SEMA5A: variants seen among roughly 807,000 people sequenced by gnomAD.
The protein encoded by SEMA5A is semaphorin-5A.
A neutral mutation model predicts 135.5 loss-of-function variants in SEMA5A; 55 were observed. The observed-to-expected ratio is 0.41, with a 90% CI of 0.33 to 0.51. SEMA5A has a LOEUF of 0.51. Among genes scored for constraint, SEMA5A ranks in the 20% least tolerant of loss-of-function variants. The pLI is 0.37. For synonymous variants in SEMA5A, 580 were observed against 546.5 expected (o/e 1.06, Z -0.85); for missense variants, 1,290 against 1,419.9 (o/e 0.91, Z 1.47).
intron 15 of SEMA5A, among the ~76,000 whole-genome samples, chr5:9,111,070 T>C (rs754899412): frequency 8.5e-5 from 13 of 152,138 alleles, no homozygotes; most frequent in Admixed American, 7.9e-4. Context: ...CAGGAGAAAA[T>C]TGACACTTGT....
chr5:9,217,974 C>T (rs1471743490), intron 8 of SEMA5A, among the ~76,000 whole-genome samples: 1 of 152,032 alleles, frequency 6.6e-6, no homozygotes, highest in East Asian at 1.9e-4. Flanking sequence ...CATATTCTCA[C>T]TTATAAATGA....
intron 2 of SEMA5A, among the ~76,000 whole-genome samples, chr5:9,382,252 A>C (rs1453351013): frequency 6.6e-6 from 1 of 152,162 alleles, no homozygotes; most frequent in Admixed American, 6.5e-5. Context: ...GACAGCTAAG[A>C]ATGTGCCACT....
At chr5:9,348,420 C>T (rs1333150406) in intron 3 of SEMA5A, among the ~76,000 whole-genome samples, 2 of 152,094 alleles carry the variant, frequency 1.3e-5, no homozygotes, top group Admixed American at 6.6e-5. Flanking sequence ...CCCTCAAATT[C>T]CTGGACTGTG....
intron 5 of SEMA5A, among the ~76,000 whole-genome samples, chr5:9,292,660 C>T (rs1239506015): frequency 6.7e-6 from 1 of 150,272 alleles, no homozygotes; most frequent in Non-Finnish European, 1.5e-5. Context: ...GCAAAAAAAA[C>T]CATGTTTGTT....
At chr5:9,429,206 A>C (rs1757772401) in intron 2 of SEMA5A, among the ~76,000 whole-genome samples, 2 of 152,210 alleles carry the variant, frequency 1.3e-5, no homozygotes, top group South Asian at 2.1e-4. Flanking sequence ...AAATGCATGA[A>C]TCTCTGATTG....
At position 9,353,189 on chromosome 5, in the gene SEMA5A, G is replaced by GGAAAGGAAAGGAAAGGAAAGGAAAGGAAA. The variant is rs1754250406; in HGVS notation, c.125-15378_125-15377insTTTCCTTTCCTTTCCTTTCCTTTCCTTTC. On this transcript the variant is annotated intron_variant, in intron 3 of 22. Transcript: ENST00000382496. ...GGGAAAGGAAGGGAAAGGAAGGGAA[G>GGAAAGGAAAGGAAAGGAAAGGAAAGGAAA]GGAAAGGAAAGGAAAGGAAAGGAAA... Among the ~76,000 whole-genome samples the GGAAAGGAAAGGAAAGGAAAGGAAAGGAAA allele has an allele frequency of 9.5e-3, 159 of 16,734 alleles. 21 individuals carry two copies. Among genetic ancestry groups the GGAAAGGAAAGGAAAGGAAAGGAAAGGAAA allele is most frequent in the African/African-American group, 0.035 (141 of 4,072 alleles). The allele number at this position is 16,734 out of a possible 152,430, so 11.0% of individuals were successfully genotyped here.
chr5:9,265,462 A>G (rs778233271), intron 5 of SEMA5A: 1 of 456,262 alleles, frequency 2.2e-6, no homozygotes, highest in Non-Finnish European at 4.4e-6. Flanking sequence ...CCTGCCTCCC[A>G]CAGCCCTGTG....
intron 5 of SEMA5A, among the ~76,000 whole-genome samples, chr5:9,305,021 T>G (rs1335715964): frequency 6.6e-6 from 1 of 152,162 alleles, no homozygotes; most frequent in South Asian, 2.1e-4. Flanking sequence ...CTTCGGTAAC[T>G]GTATCATCTA....
intron 1 of SEMA5A, among the ~76,000 whole-genome samples, chr5:9,444,133 G>T (rs1387550686): frequency 6.6e-6 from 1 of 152,078 alleles, no homozygotes; most frequent in South Asian, 2.1e-4. Context: ...TAGATCTCTG[G>T]ATTTGTTCAA....
At chr5:9,083,001 GCTGT>G (rs1738473365) in intron 16 of SEMA5A, among the ~76,000 whole-genome samples, 1 of 152,140 alleles carries the variant, frequency 6.6e-6, no homozygotes, top group Non-Finnish European at 1.5e-5. Context: ...TTTACATGAA[GCTGT>G]CTTTTTATCA....
intron 16 of SEMA5A, among the ~76,000 whole-genome samples, chr5:9,079,532 G>A (rs1198198423): frequency 6.6e-6 from 1 of 151,842 alleles, no homozygotes; most frequent in Non-Finnish European, 1.5e-5. Context: ...ACATTCAAAA[G>A]CAAGCAGATG....
At chr5:9,380,185 C>T (rs994727332) in intron 2 of SEMA5A, 162 bp from the exon 3 acceptor site, 6 of 503,758 alleles carry the variant, frequency 1.2e-5, no homozygotes, top group Middle Eastern at 5.2e-4. Flanking sequence ...TATCCCAGGT[C>T]GTGTGTGTGT....
chr5:9,388,078 G>T (rs1755975841), intron 2 of SEMA5A, among the ~76,000 whole-genome samples: 1 of 152,164 alleles, frequency 6.6e-6, no homozygotes, highest in Non-Finnish European at 1.5e-5. Flanking sequence ...CCACCTTCAG[G>T]TAACTGAAGA....
intron 5 of SEMA5A, among the ~76,000 whole-genome samples, chr5:9,283,281 TGA>T (rs1011266353): frequency 6.6e-6 from 1 of 152,224 alleles, no homozygotes; most frequent in African/African-American, 2.4e-5. Context: ...GTCCTGACAC[TGA>T]GATGTCTTTT....
chr5:9,528,583 G>T (rs368410751), intron 1 of SEMA5A, among the ~76,000 whole-genome samples: 2 of 152,046 alleles, frequency 1.3e-5, no homozygotes, highest in African/African-American at 2.4e-5. Context: ...GCCTTTAAAG[G>T]GCCTAGAAAC....
chr5:9,509,454 T>C (rs572991068), intron 1 of SEMA5A, among the ~76,000 whole-genome samples: 32 of 152,110 alleles, frequency 2.1e-4, no homozygotes, highest in African/African-American at 7.5e-4. Flanking sequence ...TTTGTATTTT[T>C]AGTAGAGACA....
chr5:9,300,001 A>T (rs965844703), intron 5 of SEMA5A, among the ~76,000 whole-genome samples: 2 of 151,928 alleles, frequency 1.3e-5, no homozygotes, highest in African/African-American at 4.8e-5. Flanking sequence ...GAACAAAAAG[A>T]AAACTGAAAT....
chr5:9,452,527 G>A (rs770151565), intron 1 of SEMA5A, among the ~76,000 whole-genome samples: 12 of 152,150 alleles, frequency 7.9e-5, no homozygotes, highest in Non-Finnish European at 1.3e-4. Flanking sequence ...TCCCACCAGG[G>A]CAAACAGGGT....
intron 1 of SEMA5A, among the ~76,000 whole-genome samples, chr5:9,454,837 A>T (rs1758771541): frequency 6.6e-6 from 1 of 152,218 alleles, no homozygotes; most frequent in African/African-American, 2.4e-5. Flanking sequence ...AAATTTGAGT[A>T]TCTTTCTCTA....
Sources: gnomAD v4.1 joint callset for allele counts (sites outside exome capture counted in the v4.1 genomes callset) on GRCh38, gnomAD v4.1.1 for gene constraint, MANE v1.5 for transcripts, NCBI Gene and HGNC (gene_info 2026-07-23, HGNC 2026-07-21) for gene names.